The following PALM2AKAP2 variants were observed in gnomAD, a reference collection of about 807,000 sequenced individuals.
The protein encoded by PALM2AKAP2 is PALM2 and AKAP2 fusion.
A neutral mutation model predicts 71.5 loss-of-function variants in PALM2AKAP2; 37 were observed. The ratio of observed to expected loss-of-function variants is 0.52; its 90% CI spans 0.40 to 0.68. The LOEUF is 0.68. Among genes scored for constraint, PALM2AKAP2 ranks in the 30% least tolerant of loss-of-function variants. The pLI, the probability that PALM2AKAP2 is intolerant of heterozygous loss-of-function variation, is 0.00. For missense variants in PALM2AKAP2, 1,224 were observed against 1,191.8 expected, an observed-to-expected ratio of 1.03 and a Z score of -0.40; for synonymous variants, 468 against 478.8, an observed-to-expected ratio of 0.98 and a Z score of 0.29.
At chr9:109,995,091 A>G (rs1273206521) in intron 6 of PALM2AKAP2, among the ~76,000 whole-genome samples, 1 of 152,138 alleles carries the variant, frequency 6.6e-6, no homozygotes, top group Non-Finnish European at 1.5e-5. Flanking sequence ...ATAGGCTTCT[A>G]CATGATTCAA....
intron 1 of PALM2AKAP2, chr9:109,771,878 G>A (rs1347684332): frequency 6.6e-6 from 1 of 152,236 alleles, no homozygotes. Context: ...CCCAGAAGGT[G>A]GAATGCAACA....
chr9:109,699,920 C>A (rs1250381779), intron 1 of PALM2AKAP2, among the ~76,000 whole-genome samples: 6 of 152,062 alleles, frequency 3.9e-5, no homozygotes, highest in Admixed American at 3.9e-4. Context: ...GGACTACAGG[C>A]ATGTGCCGCC....
At chr9:109,835,271 G>A (rs1458523736) in intron 1 of PALM2AKAP2, among the ~76,000 whole-genome samples, 1 of 146,198 alleles carries the variant, frequency 6.8e-6, no homozygotes, top group Non-Finnish European at 1.5e-5. Context: ...GAAGAGGAGA[G>A]GGTGGAGAGG....
At chr9:109,692,074 A>G (rs1223340487) in intron 1 of PALM2AKAP2, among the ~76,000 whole-genome samples, 1 of 148,972 alleles carries the variant, frequency 6.7e-6, no homozygotes, top group Non-Finnish European at 1.5e-5. Context: ...AATTTTTTTA[A>G]ATTTTTAAAA....
intron 3 of PALM2AKAP2, among the ~76,000 whole-genome samples, chr9:109,900,483 A>G (rs1830302886): frequency 6.6e-6 from 1 of 152,232 alleles, no homozygotes; most frequent in African/African-American, 2.4e-5. Context: ...ACTTGTCCTC[A>G]AGATAGTAGA....
chr9:109,963,898 C>T (rs1055628035), intron 6 of PALM2AKAP2, among the ~76,000 whole-genome samples: 4 of 152,106 alleles, frequency 2.6e-5, no homozygotes, highest in Admixed American at 2.0e-4. Flanking sequence ...AGGGTGTCCA[C>T]CATGGGTGTG....
chr9:110,145,207 C>T (rs1388026088), intron 2 of PALM2AKAP2, among the ~76,000 whole-genome samples: 1 of 152,194 alleles, frequency 6.6e-6, no homozygotes, highest in Non-Finnish European at 1.5e-5. Context: ...TGAAACAGTG[C>T]TTCCCTAGTG....
intron 1 of PALM2AKAP2, among the ~76,000 whole-genome samples, chr9:109,768,018 AAG>A (rs1587900632): frequency 8.8e-6 from 1 of 113,688 alleles, no homozygotes; most frequent in East Asian, 3.5e-4. Context: ...GGTAGGAAGA[AAG>A]GAAGGAAGGA....
At position 109,865,519 on chromosome 9, in the gene PALM2AKAP2, T is replaced by G. The variant is rs114849167; in HGVS notation, c.46-1972T>G. ...GCATGTAAAGGTCCACTGCCCATAC[T>G]GCCTGGTAAGTTTTCTTCTGCTCAG... On this transcript the variant is annotated intron_variant, in intron 1 of 9. Coordinates refer to the PALM2AKAP2 transcript ENST00000302798. 5.3e-3 allele frequency among the ~76,000 whole-genome samples: 801 copies of G among 152,284 alleles called. 7 individuals are homozygous for G. The highest frequency in any genetic ancestry group is 0.018 in the African/African-American group (762 of 41,528).
At chr9:110,100,996 T>C (rs1471238620) in intron 1 of PALM2AKAP2, among the ~76,000 whole-genome samples, 1 of 152,132 alleles carries the variant, frequency 6.6e-6, no homozygotes, top group East Asian at 1.9e-4. Flanking sequence ...ATCAAAGTGA[T>C]GTTCAGATTT....
intron 1 of PALM2AKAP2, among the ~76,000 whole-genome samples, chr9:110,064,061 A>G (rs893971670): frequency 6.6e-6 from 1 of 152,158 alleles, no homozygotes; most frequent in Non-Finnish European, 1.5e-5. Flanking sequence ...GACCAAAGTG[A>G]AACACCCAGG....
At chr9:109,940,053 A>G (rs1831323998) in intron 6 of PALM2AKAP2, among the ~76,000 whole-genome samples, 1 of 152,208 alleles carries the variant, frequency 6.6e-6, no homozygotes, top group Admixed American at 6.5e-5. Flanking sequence ...TTGGTGTCAT[A>G]TTATACAAAG....
At chr9:110,157,622 A>T (rs529979204) in intron 3 of PALM2AKAP2, among the ~76,000 whole-genome samples, 1 of 151,378 alleles carries the variant, frequency 6.6e-6, no homozygotes, top group South Asian at 2.1e-4. Flanking sequence ...CTGTTCTTCA[A>T]CTCCTGAGCT....
At chr9:109,844,626 T>C (rs1426136890) in intron 1 of PALM2AKAP2, among the ~76,000 whole-genome samples, 1 of 152,214 alleles carries the variant, frequency 6.6e-6, no homozygotes, top group Non-Finnish European at 1.5e-5. Context: ...AAAAGGTGTA[T>C]TTAAGAAACA....
rs185456448 is a variant in PALM2AKAP2 at position 110,042,538 on chromosome 9, A to G, written c.582+26499A>G. Among the ~76,000 whole-genome samples the G allele has an allele frequency of 2.8e-3, 424 of 152,350 alleles. 2 individuals carry two copies. The highest frequency in any genetic ancestry group is 9.6e-3 in the African/African-American group (401 of 41,574). On this transcript the variant is annotated intron_variant, in intron 7 of 9. Transcript: ENST00000302798. ...ACTTTGGAAATCCGTAAACATACAA[A>G]TCATCCATATGGATGGTGTAAAACC... is the stretch of plus-strand genomic sequence containing the variant.
intron 1 of PALM2AKAP2, chr9:109,640,892 A>G: frequency 6.6e-7 from 1 of 1,513,682 alleles, no homozygotes; most frequent in Non-Finnish European, 8.8e-7. Flanking sequence ...CCGCGCCGCC[A>G]GCTGCTCTCC....
chr9:109,698,531 G>A (rs2014666), intron 1 of PALM2AKAP2, among the ~76,000 whole-genome samples: 42,791 of 151,928 alleles, frequency 0.28, 6,270 homozygotes, highest in Middle Eastern at 0.38. Context: ...TGCCAGCCTC[G>A]GTCTCTCAAA....
chr9:109,846,923 G>A (rs567471930), intron 1 of PALM2AKAP2, among the ~76,000 whole-genome samples: 40 of 152,290 alleles, frequency 2.6e-4, no homozygotes, highest in African/African-American at 7.5e-4. Flanking sequence ...ACAGCACTTC[G>A]TCATTTGAAC....
intron 1 of PALM2AKAP2, among the ~76,000 whole-genome samples, chr9:110,086,188 T>C (rs1261810898): frequency 6.6e-6 from 1 of 152,138 alleles, no homozygotes; most frequent in Non-Finnish European, 1.5e-5. Context: ...GGGCACTTGT[T>C]TGACAATTTA....
Sources: allele counts gnomAD v4.1 joint callset (sites outside exome capture counted in the v4.1 genomes callset), GRCh38; gene constraint gnomAD v4.1.1; transcripts MANE v1.5; gene names NCBI Gene and HGNC (gene_info 2026-07-23, HGNC 2026-07-21).